ELOVL6: variants seen among roughly 807,000 people sequenced by gnomAD.
ELOVL6 encodes ELOVL fatty acid elongase 6, also known as very long chain fatty acid elongase 6.
ELOVL6 carries 8 observed loss-of-function variants against 31.7 expected under a neutral mutation model. The observed-to-expected ratio is 0.25, with a 90% CI of 0.15 to 0.45. The LOEUF (loss-of-function observed/expected upper bound fraction) is 0.45. ELOVL6 is among the 20% of genes least tolerant of loss of function. The pLI, the probability that ELOVL6 is intolerant of heterozygous loss-of-function variation, is 1.00. For synonymous variants in ELOVL6, 101 were observed against 117.7 expected (o/e 0.86, Z 0.92); for missense variants, 126 against 326.4 (o/e 0.39, Z 4.73).
intron 2 of ELOVL6, among the ~76,000 whole-genome samples, chr4:110,078,095 G>C (rs1281809464): frequency 1.3e-5 from 2 of 152,204 alleles, no homozygotes; most frequent in East Asian, 3.8e-4. Context: ...TATGTGAAAA[G>C]ACCAAATCTA....
At position 110,073,945 on chromosome 4, in the gene ELOVL6, T is replaced by C. The variant is rs143624647; in HGVS notation, c.222-14191A>G. Among the ~76,000 whole-genome samples the C allele has an allele frequency of 2.2e-3, 341 of 152,328 alleles. 1 individual carries two copies. The highest frequency in any genetic ancestry group is 7.5e-3 in the African/African-American group (313 of 41,582). On this transcript the variant is annotated intron_variant, in intron 2 of 3. Transcript: ENST00000302274. ...GGTTACAAAATACAGATTTGTCTCC[T>C]CCTTCTCTGCAAAACAAAATCCCAT...
chr4:110,126,415 G>A (rs1179300760), intron 1 of ELOVL6, among the ~76,000 whole-genome samples: 1 of 152,086 alleles, frequency 6.6e-6, no homozygotes, highest in Non-Finnish European at 1.5e-5. Flanking sequence ...TCCCATTAAT[G>A]ACAAATCAGT....
intron 1 of ELOVL6, among the ~76,000 whole-genome samples, chr4:110,167,653 T>TTATGTATGTATG (rs33925081): frequency 6.5e-5 from 9 of 139,510 alleles, no homozygotes; most frequent in South Asian, 5.1e-4. Flanking sequence ...ACCACCTCAG[T>TTATGTATGTATG]TATGTATGTA....
intron 1 of ELOVL6, among the ~76,000 whole-genome samples, chr4:110,149,544 G>A (rs1758224926): frequency 6.6e-6 from 1 of 152,182 alleles, no homozygotes; most frequent in African/African-American, 2.4e-5. Context: ...AATACCACAT[G>A]TTCTCACAAG....
At chr4:110,120,503 A>T (rs1241354686) in intron 1 of ELOVL6, among the ~76,000 whole-genome samples, 1 of 152,178 alleles carries the variant, frequency 6.6e-6, no homozygotes, top group African/African-American at 2.4e-5. Context: ...AGCTCTTCAC[A>T]TAGCTCTCCT....
At chr4:110,189,891 CG>C (rs1486922862) in intron 1 of ELOVL6, among the ~76,000 whole-genome samples, 1 of 150,442 alleles carries the variant, frequency 6.6e-6, no homozygotes, top group Non-Finnish European at 1.5e-5. Flanking sequence ...GGTGTGAACC[CG>C]GGAGGCAGAG....
intron 1 of ELOVL6, among the ~76,000 whole-genome samples, chr4:110,120,798 C>CTT (rs1008949209): frequency 0.17 from 20,153 of 117,726 alleles, 2,507 homozygotes; most frequent in South Asian, 0.3. Context: ...TTTTTCTTTT[C>CTT]TTTTTTTTTT....
intron 1 of ELOVL6, among the ~76,000 whole-genome samples, chr4:110,184,769 T>C (rs893696767): frequency 6.6e-6 from 1 of 152,172 alleles, no homozygotes; most frequent in Non-Finnish European, 1.5e-5. Context: ...AGCTATGTAC[T>C]GGTCCCACAT....
chr4:110,126,234 A>G (rs1018867424), intron 1 of ELOVL6, among the ~76,000 whole-genome samples: 1 of 151,974 alleles, frequency 6.6e-6, no homozygotes, highest in Admixed American at 6.6e-5. Flanking sequence ...TGTAGAGATG[A>G]GGTTTTGCCA....
At chr4:110,064,532 C>A (rs923559506) in intron 2 of ELOVL6, among the ~76,000 whole-genome samples, 1 of 152,088 alleles carries the variant, frequency 6.6e-6, no homozygotes, top group Non-Finnish European at 1.5e-5. Context: ...GGCGCAATCA[C>A]AGCTCACAAC....
At chr4:110,099,873 G>C (rs758406245) in intron 2 of ELOVL6, among the ~76,000 whole-genome samples, 1 of 152,192 alleles carries the variant, frequency 6.6e-6, no homozygotes, top group Non-Finnish European at 1.5e-5. Context: ...AAGAACAGGG[G>C]ATAGGCACCT....
intron 2 of ELOVL6, among the ~76,000 whole-genome samples, chr4:110,070,599 T>C (rs1279995240): frequency 1.3e-5 from 2 of 152,186 alleles, no homozygotes; most frequent in Non-Finnish European, 2.9e-5. Flanking sequence ...GGAAAAAATC[T>C]CACGTTGAAC....
At chr4:110,079,656 C>A (rs1281037319) in intron 2 of ELOVL6, among the ~76,000 whole-genome samples, 1 of 152,094 alleles carries the variant, frequency 6.6e-6, no homozygotes, top group Non-Finnish European at 1.5e-5. Flanking sequence ...CTAATTGACA[C>A]CCTAACATCA....
At chr4:110,086,901 T>C (rs1439346872) in intron 2 of ELOVL6, among the ~76,000 whole-genome samples, 11 of 152,136 alleles carry the variant, frequency 7.2e-5, no homozygotes, top group African/African-American at 2.4e-4. Context: ...TTTGATTATT[T>C]TGAAATATTC....
intron 2 of ELOVL6, among the ~76,000 whole-genome samples, chr4:110,061,549 C>CTTGTGTTTTTTTTTTTTTTTTTT (rs1755138684): frequency 1.4e-5 from 1 of 72,366 alleles, no homozygotes; most frequent in African/African-American, 5.0e-5. Context: ...CAAATGATGG[C>CTTGTGTTTTTTTTTTTTTTTTTT]TTTTTTTTTT....
chr4:110,171,608 G>A (rs930993283), intron 1 of ELOVL6, among the ~76,000 whole-genome samples: 4 of 150,930 alleles, frequency 2.7e-5, no homozygotes, highest in South Asian at 2.1e-4. Context: ...TAGGGAGGAC[G>A]TGGAAGCTCC....
At chr4:110,059,213 C>A (rs991691330) in intron 3 of ELOVL6, among the ~76,000 whole-genome samples, 41 of 152,134 alleles carry the variant, frequency 2.7e-4, no homozygotes, top group Non-Finnish European at 4.1e-4. Flanking sequence ...CCTAACTCTA[C>A]AGATGAAAGT....
At chr4:110,135,515 C>G (rs1757786644) in intron 1 of ELOVL6, among the ~76,000 whole-genome samples, 1 of 152,064 alleles carries the variant, frequency 6.6e-6, no homozygotes, top group Non-Finnish European at 1.5e-5. Flanking sequence ...AAATGAAGCT[C>G]AATAGGAACA....
intron 1 of ELOVL6, among the ~76,000 whole-genome samples, chr4:110,192,651 C>T (rs1454897554): frequency 2.0e-5 from 3 of 152,112 alleles, no homozygotes; most frequent in Non-Finnish European, 4.4e-5. Flanking sequence ...ACAAGAATTG[C>T]ATGAATATTT....
Sources: allele counts gnomAD v4.1 joint callset (sites outside exome capture counted in the v4.1 genomes callset), GRCh38; gene constraint gnomAD v4.1.1; transcripts MANE v1.5; gene names NCBI Gene and HGNC (gene_info 2026-07-23, HGNC 2026-07-21).